Variants in MAPRE2 observed in about 807,000 individuals in gnomAD.
The protein encoded by MAPRE2 is microtubule-associated protein RP/EB family member 2.
In MAPRE2, 13 loss-of-function variants were observed where a neutral mutation model predicts 43.2. The observed-to-expected ratio is 0.30, with a 90% CI of 0.20 to 0.48. MAPRE2 has a LOEUF of 0.48. Ranked by LOEUF, MAPRE2 falls within the 20% of genes least tolerant of loss-of-function variation. MAPRE2 has a pLI of 0.99. For missense variants in MAPRE2, 161 were observed against 400.2 expected (o/e 0.40, Z 5.10); for synonymous variants, 135 against 148.8 (o/e 0.91, Z 0.68).
At chr18:35,029,352 T>C (rs899942628) in intron 2 of MAPRE2, among the ~76,000 whole-genome samples, 1 of 152,188 alleles carries the variant, frequency 6.6e-6, no homozygotes, top group Non-Finnish European at 1.5e-5. Flanking sequence ...CCAGAAGCCA[T>C]AGCTCTGCCA....
At chr18:35,094,805 T>TA (rs1198750725) in intron 2 of MAPRE2, among the ~76,000 whole-genome samples, 1 of 152,196 alleles carries the variant, frequency 6.6e-6, no homozygotes. Context: ...CTCAGGACTC[T>TA]AGACCCCACC....
intron 3 of MAPRE2, among the ~76,000 whole-genome samples, chr18:35,101,687 G>A (rs1477970020): frequency 1.3e-5 from 2 of 152,228 alleles, no homozygotes; most frequent in South Asian, 2.1e-4. Flanking sequence ...ATGATCTCCA[G>A]TTTCATCCAT....
chr18:34,997,032 C>T (rs1302789617), intron 1 of MAPRE2, among the ~76,000 whole-genome samples: 2 of 152,032 alleles, frequency 1.3e-5, no homozygotes, highest in African/African-American at 4.8e-5. Flanking sequence ...CTTTTCATGG[C>T]GTTATGCTTA....
intron 1 of MAPRE2, among the ~76,000 whole-genome samples, chr18:35,063,654 C>G (rs970830833): frequency 6.6e-6 from 1 of 151,988 alleles, no homozygotes; most frequent in South Asian, 2.1e-4. Flanking sequence ...ATGAACTTGC[C>G]TGAATTTGGG....
chr18:35,012,577 A>G (rs1455731433), intron 2 of MAPRE2, among the ~76,000 whole-genome samples: 3 of 152,228 alleles, frequency 2.0e-5, no homozygotes, highest in Non-Finnish European at 4.4e-5. Flanking sequence ...TAGGTAGGAA[A>G]TTCTGACTCA....
intron 1 of MAPRE2, among the ~76,000 whole-genome samples, chr18:34,979,099 C>CCGATGA (rs1445078431): frequency 2.6e-5 from 4 of 152,166 alleles, no homozygotes; most frequent in African/African-American, 9.7e-5. Context: ...AACTGGAGTG[C>CCGATGA]CGATGACTAA....
intron 2 of MAPRE2, among the ~76,000 whole-genome samples, chr18:35,014,192 C>G (rs1346704369): frequency 1.3e-5 from 2 of 151,976 alleles, no homozygotes; most frequent in Non-Finnish European, 2.9e-5. Flanking sequence ...AAGTCAGATG[C>G]AAGGCCATCT....
At chr18:35,049,196 A>T (rs1207259691) in intron 1 of MAPRE2, among the ~76,000 whole-genome samples, 1 of 152,132 alleles carries the variant, frequency 6.6e-6, no homozygotes, top group Non-Finnish European at 1.5e-5. Context: ...GTTCACAGCT[A>T]TACTTTGATT....
intron 2 of MAPRE2, among the ~76,000 whole-genome samples, chr18:35,092,344 A>G (rs1908192383): frequency 6.6e-6 from 1 of 152,224 alleles, no homozygotes; most frequent in Admixed American, 6.5e-5. Context: ...TTTTGACCAC[A>G]GTGCCAGGAA....
At chr18:35,087,643 A>G (rs933706683) in intron 2 of MAPRE2, among the ~76,000 whole-genome samples, 3 of 152,168 alleles carry the variant, frequency 2.0e-5, no homozygotes, top group Admixed American at 1.3e-4. Flanking sequence ...ATCTTCATTC[A>G]TTAGCCAGAT....
At chr18:34,986,327 C>G (rs1227021177) in intron 1 of MAPRE2, among the ~76,000 whole-genome samples, 1 of 152,106 alleles carries the variant, frequency 6.6e-6, no homozygotes, top group East Asian at 1.9e-4. Context: ...AATTTAACAA[C>G]ATTTGATATG....
intron 1 of MAPRE2, among the ~76,000 whole-genome samples, chr18:34,980,720 TTGTTATCAC>T (rs1206928485): frequency 6.6e-6 from 1 of 152,216 alleles, no homozygotes; most frequent in Non-Finnish European, 1.5e-5. Flanking sequence ...TAACTAATAA[TTGTTATCAC>T]ATTTAACCAC....
rs201822926 is a variant in MAPRE2 at position 35,024,648 on chromosome 18, C to CA, written c.-8+19100dup. 7.9e-3 allele frequency among the ~76,000 whole-genome samples: 1,198 copies of CA among 152,210 alleles called. 16 individuals are homozygous for CA. The highest frequency in any genetic ancestry group is 0.027 in the African/African-American group (1,134 of 41,520). On this transcript the variant is annotated intron_variant, in intron 2 of 7. Coordinates refer to the MAPRE2 transcript ENST00000413393. ...CATTTTGGAGAGAATTATAATCATG[C>CA]AAAAATTTGGTTCTTACATTTGCCT...
At position 35,041,511 on chromosome 18, in the gene MAPRE2, G is replaced by T. The variant is rs756294445; in HGVS notation, c.-29G>T. ...CCTTCCTCACCAGCCAGCCCACAGC[G>T]GTTTGTTCCCCTTCTCGGGAGTGCG... On this transcript the variant is annotated 5_prime_UTR_variant, in exon 1 of 7. Transcript: ENST00000300249. The T allele has an allele frequency of 6.2e-7, 1 of 1,614,106 alleles. No individual in the cohort carries two copies. The highest frequency in any genetic ancestry group is 8.5e-7 in the Non-Finnish European group (1 of 1,180,036).
intron 6 of MAPRE2, among the ~76,000 whole-genome samples, chr18:35,135,907 C>T (rs1019764169): frequency 6.6e-6 from 1 of 152,218 alleles, no homozygotes. Context: ...GGCCAGGTTG[C>T]AGCACATGCT....
At chr18:35,057,390 C>T (rs187696492) in intron 1 of MAPRE2, among the ~76,000 whole-genome samples, 105 of 152,250 alleles carry the variant, frequency 6.9e-4, no homozygotes, top group Admixed American at 7.9e-4. Context: ...AGTTTCTGTA[C>T]TTCCCTTTGA....
At chr18:35,112,695 T>G (rs1327089518) in intron 4 of MAPRE2, among the ~76,000 whole-genome samples, 1 of 152,196 alleles carries the variant, frequency 6.6e-6, no homozygotes, top group Non-Finnish European at 1.5e-5. Context: ...GTAGCAGTGG[T>G]TTTTTTCTTC....
intron 4 of MAPRE2, among the ~76,000 whole-genome samples, chr18:35,110,276 A>C (rs904629556): frequency 3.3e-5 from 5 of 152,162 alleles, no homozygotes; most frequent in Non-Finnish European, 5.9e-5. Flanking sequence ...TGCGTGCTGA[A>C]TTTAGAAAAC....
At chr18:35,098,693 C>T (rs1603400784) in intron 3 of MAPRE2, among the ~76,000 whole-genome samples, 1 of 152,090 alleles carries the variant, frequency 6.6e-6, no homozygotes, top group South Asian at 2.1e-4. Flanking sequence ...TTTTATAATA[C>T]CTCTTGTGTC....
Sources: gnomAD v4.1 joint callset for allele counts (sites outside exome capture counted in the v4.1 genomes callset) on GRCh38, gnomAD v4.1.1 for gene constraint, MANE v1.5 for transcripts, NCBI Gene and HGNC (gene_info 2026-07-23, HGNC 2026-07-21) for gene names.